The following ERCC6L2 variants were observed in gnomAD, a reference collection of about 807,000 sequenced individuals.
ERCC6L2 encodes the protein ERCC excision repair 6 like 2.
In ERCC6L2, 77 loss-of-function variants were observed where a neutral mutation model predicts 132.0. That is an observed-to-expected ratio of 0.58 (90% CI 0.49 to 0.71). The LOEUF (loss-of-function observed/expected upper bound fraction) is 0.71. Ranked by LOEUF, ERCC6L2 falls within the 30% of genes least tolerant of loss-of-function variation. The pLI, the probability that ERCC6L2 is intolerant of heterozygous loss-of-function variation, is 0.00. For missense variants in ERCC6L2, 1,542 were observed against 1,837.6 expected, an observed-to-expected ratio of 0.84 and a Z score of 2.94; for synonymous variants, 583 against 632.4, an observed-to-expected ratio of 0.92 and a Z score of 1.17.
chr9:95,972,362 G>C lies in ERCC6L2; in HGVS notation c.2611G>C (p.Glu871Gln). The C allele has an allele frequency of 7.8e-7, 1 of 1,283,126 alleles. No homozygotes were observed. The highest frequency in any genetic ancestry group is 1.0e-6 in the Non-Finnish European group (1 of 984,468). The allele number at this position is 1,283,126 out of a possible 1,614,324, so 79.5% of individuals were successfully genotyped here. ...TTTTTATAAAAGTGAGAAGATTTTA[G>C]AACAGAATATTTCTTCCAAGTCTGA... Reference protein sequence around the residue: ...HIFYKSEKILEQNISSKSDEK... With the variant: ...HIFYKSEKILQQNISSKSDEK... Residue 871 changes from glutamate (E) to glutamine (Q), a missense_variant, in exon 16 of 19, where the codon GAA (glutamate) becomes CAA (glutamine). Glu to Gln is a conservative substitution (Grantham distance 29). Coordinates refer to ENST00000653738, the MANE Select transcript of ERCC6L2 (RefSeq NM_020207.7).
At chr9:95,982,332 T>C (rs1343366504) in intron 17 of ERCC6L2, among the ~76,000 whole-genome samples, 1 of 152,176 alleles carries the variant, frequency 6.6e-6, no homozygotes, top group Non-Finnish European at 1.5e-5. Flanking sequence ...TGTATTAGAT[T>C]GGCATTCTGT....
At chr9:95,960,935 A>G (rs886241039) in intron 13 of ERCC6L2, among the ~76,000 whole-genome samples, 4 of 152,156 alleles carry the variant, frequency 2.6e-5, no homozygotes, top group Admixed American at 2.0e-4. Flanking sequence ...TCTATCAAAC[A>G]CTTAATATTG....
intron 17 of ERCC6L2, among the ~76,000 whole-genome samples, chr9:95,980,292 C>T (rs935211508): frequency 6.6e-6 from 1 of 152,156 alleles, no homozygotes; most frequent in Non-Finnish European, 1.5e-5. Flanking sequence ...ATAATATACC[C>T]TTCGAGGCCA....
rs1361404345 is a variant in ERCC6L2 at position 96,014,003 on chromosome 9, G to A, written c.*800G>A. The A allele has an allele frequency of 1.3e-5, 2 of 152,202 alleles. No individual in the cohort carries two copies. Among genetic ancestry groups the A allele is most frequent in the African/African-American group, 2.4e-5 (1 of 41,448 alleles). 9.4% of individuals were successfully genotyped at this position (152,202 alleles called of 1,614,324 possible). A position where few individuals can be genotyped will look rare whatever the true frequency, so the allele number is the denominator to read the frequency against. On this transcript the variant is annotated 3_prime_UTR_variant, in exon 19 of 19. Coordinates refer to ENST00000653738, the MANE Select transcript of ERCC6L2 (RefSeq NM_020207.7). ...TGTTAGAAACTGTTATATTTTGAGT[G>A]TAATATTTATGGTTTATAGCAAAAT... is the stretch of plus-strand genomic sequence containing the variant.
chr9:95,919,255 T>G (rs917671187), intron 6 of ERCC6L2, among the ~76,000 whole-genome samples: 1 of 152,232 alleles, frequency 6.6e-6, no homozygotes, highest in Admixed American at 6.5e-5. Context: ...CTGTATTTGC[T>G]TGTATGCACC....
At chr9:95,915,200 G>T (rs1340667731) in intron 4 of ERCC6L2, among the ~76,000 whole-genome samples, 1 of 152,132 alleles carries the variant, frequency 6.6e-6, no homozygotes, top group Non-Finnish European at 1.5e-5. Flanking sequence ...TCAGTAAAGA[G>T]ACCACTATGG....
chr9:95,887,225 G>A (rs1011951935), intron 2 of ERCC6L2, among the ~76,000 whole-genome samples: 1 of 151,760 alleles, frequency 6.6e-6, no homozygotes, highest in African/African-American at 2.4e-5. Context: ...CTGCCTGGGG[G>A]TGTCAAAGAA....
intron 12 of ERCC6L2, among the ~76,000 whole-genome samples, chr9:95,946,271 G>A (rs752973339): frequency 6.6e-6 from 1 of 152,164 alleles, no homozygotes; most frequent in Non-Finnish European, 1.5e-5. Flanking sequence ...GCTCACACCT[G>A]TAATCCCAGC....
chr9:95,879,061 A>G (rs1385696606), intron 1 of ERCC6L2, among the ~76,000 whole-genome samples: 2 of 151,726 alleles, frequency 1.3e-5, no homozygotes, highest in East Asian at 1.9e-4. Flanking sequence ...CTAGTTCTAG[A>G]TCCCTGAGGA....
chr9:95,975,693 A>G (rs905827161), intron 16 of ERCC6L2, among the ~76,000 whole-genome samples: 1 of 151,838 alleles, frequency 6.6e-6, no homozygotes, highest in African/African-American at 2.4e-5. Flanking sequence ...TTTCTTCTTC[A>G]GGGACTTCTT....
At chr9:96,023,367 A>G (rs1178110596), downstream of ERCC6L2, among the ~76,000 whole-genome samples, 3 of 152,084 alleles carry the variant, frequency 2.0e-5, no homozygotes, top group African/African-American at 7.2e-5. Flanking sequence ...TTTTTATATA[A>G]TGTTTAATTC....
chr9:95,952,839 A>AT (rs1831404339), intron 12 of ERCC6L2, among the ~76,000 whole-genome samples: 1 of 136,780 alleles, frequency 7.3e-6, no homozygotes. Context: ...CTCCGTCTCA[A>AT]TAAAAAAAAA....
At chr9:96,018,974 A>G (rs751384072), downstream of ERCC6L2, among the ~76,000 whole-genome samples, 29 of 152,194 alleles carry the variant, frequency 1.9e-4, no homozygotes, top group Admixed American at 4.6e-4. Flanking sequence ...TAGGCCTCGC[A>G]GTCTCGTTGA....
rs146547281 is a variant in ERCC6L2, at chr9:96,009,779, T to C, written c.3675-2446T>C. Among the ~76,000 whole-genome samples, 249 of 152,346 alleles carry C rather than the reference T, an allele frequency of 1.6e-3. 2 individuals carry two copies. The highest frequency in any genetic ancestry group is 5.7e-3 in the African/African-American group (237 of 41,578). ...AGTGAATGATAATTATAGCTTATCC[T>C]GTAAGCAGCAACCATGTGGCATAGT... On this transcript the variant is annotated intron_variant, in intron 18 of 18. Transcript: ENST00000653738.
rs1564306615 is a variant in ERCC6L2, at chr9:96,015,024, T to TG, written c.*1821_*1822insG. On this transcript the variant is annotated 3_prime_UTR_variant, in exon 19 of 19. Coordinates refer to ENST00000653738, the MANE Select transcript of ERCC6L2 (RefSeq NM_020207.7). ...TCTTCATATATGTACAGTTTTTTTT[T>TG]TTTTTTTTTTTTTTTTGAGATTGAG... Among the ~76,000 whole-genome samples, 3 of 122,448 alleles carry TG rather than the reference T, an allele frequency of 2.5e-5. No homozygotes were observed. Among genetic ancestry groups the TG allele is most frequent in the African/African-American group, 1.1e-4 (3 of 27,458 alleles). The allele number at this position is 122,448 out of a possible 152,430, so 80.3% of individuals were successfully genotyped here.
chr9:95,942,840 T>C (rs1830868877), intron 12 of ERCC6L2, among the ~76,000 whole-genome samples: 1 of 152,080 alleles, frequency 6.6e-6, no homozygotes, highest in African/African-American at 2.4e-5. Flanking sequence ...GTTAGTAATA[T>C]TTCTAAGTTT....
intron 19 of ERCC6L2, among the ~76,000 whole-genome samples, chr9:96,026,438 G>A (rs939762035): frequency 6.6e-6 from 1 of 152,108 alleles, no homozygotes; most frequent in Admixed American, 6.5e-5. Flanking sequence ...TGGGGCGGGG[G>A]TGGGGGAAGC....
chr9:95,945,991 G>A (rs1209355402), intron 12 of ERCC6L2, among the ~76,000 whole-genome samples: 1 of 151,924 alleles, frequency 6.6e-6, no homozygotes, highest in African/African-American at 2.4e-5. Context: ...AAAGACACAG[G>A]AAGTTGAAAA....
At chr9:95,963,340 TGAGA>T (rs1474907811) in intron 13 of ERCC6L2, among the ~76,000 whole-genome samples, 11 of 152,136 alleles carry the variant, frequency 7.2e-5, no homozygotes, top group Non-Finnish European at 5.9e-5. Context: ...CTGAGCCATT[TGAGA>T]GAGTTAGACT....
Sources: gnomAD v4.1 joint callset for allele counts (sites outside exome capture counted in the v4.1 genomes callset) on GRCh38, gnomAD v4.1.1 for gene constraint, MANE v1.5 for transcripts, NCBI Gene and HGNC (gene_info 2026-07-23, HGNC 2026-07-21) for gene names.